Variants in ZFX observed in about 807,000 individuals in gnomAD.
The protein encoded by ZFX is zinc finger X-chromosomal protein.
For synonymous variants in ZFX, 196 were observed against 226.8 expected (o/e 0.86, Z 1.22); for missense variants, 362 against 628.3 (o/e 0.58, Z 4.53).
At chrX:24,170,608 A>ATTT (rs1217226048) in intron 3 of ZFX, among the ~76,000 whole-genome samples, 9 of 85,931 alleles carry the variant, frequency 1.0e-4, no homozygotes, top group African/African-American at 2.2e-4. Flanking sequence ...TTTTTCTTTA[A>ATTT]TTTTTTTTTT....
chrX:24,156,085 C>CG (rs1158359102), intron 3 of ZFX, among the ~76,000 whole-genome samples: 2 of 111,265 alleles, frequency 1.8e-5, no homozygotes, highest in Non-Finnish European at 3.8e-5. Context: ...TAAGTAGAGA[C>CG]GGGGTTTCAC....
At position 24,149,805 on chromosome X, in the gene ZFX, G is replaced by C. The variant is rs1406314689; in HGVS notation, c.-250+11G>C. ...CCGCACGTCCGTCCGGTGAGTCCCG[G>C]GTGCCGCCGCGGCCGCGGGGCCTAG... On this transcript the variant is annotated intron_variant, in intron 1 of 9. Coordinates refer to ENST00000304543, the MANE Select transcript of ZFX (RefSeq NM_003410.4). 9.1e-6 allele frequency: 1 copy of C among 110,036 alleles called. No homozygotes were observed. Among genetic ancestry groups the C allele is most frequent in the African/African-American group, 3.3e-5 (1 of 30,545 alleles). The allele number at this position is 110,036 out of a possible 1,213,427, so 9.1% of individuals were successfully genotyped here.
chrX:24,151,150 T>C (rs773338955), intron 1 of ZFX, among the ~76,000 whole-genome samples: 25 of 112,436 alleles, frequency 2.2e-4, no homozygotes, highest in Non-Finnish European at 4.1e-4. Flanking sequence ...TGTGCAACTT[T>C]CTTGATAAAC....
rs748508501 is a variant in ZFX at position 24,174,655 on chromosome X, A to G, written c.58+1855A>G. Among the ~76,000 whole-genome samples the G allele has an allele frequency of 1.6e-3, 173 of 110,605 alleles. 1 individual carries two copies. Among genetic ancestry groups the G allele is most frequent in the Middle Eastern group, 0.014 (3 of 216 alleles). On this transcript the variant is annotated intron_variant, in intron 4 of 9. Coordinates refer to ENST00000304543, the MANE Select transcript of ZFX (RefSeq NM_003410.4). ...TGATTCGCCTGCCTCGGCCTCCCAA[A>G]GTGCTGGGATTACAGGGGTGAGCCA...
intron 5 of ZFX, among the ~76,000 whole-genome samples, chrX:24,201,708 C>T (rs1028373784): frequency 8.9e-6 from 1 of 111,902 alleles, no homozygotes; most frequent in Non-Finnish European, 1.9e-5. Context: ...CCCAGTTAGC[C>T]GGGTATATCA....
chrX:24,164,685 A>C (rs6628001), intron 3 of ZFX, among the ~76,000 whole-genome samples: 43 of 111,439 alleles, frequency 3.9e-4, no homozygotes, highest in Middle Eastern at 4.6e-3. Context: ...TAATCCCAGC[A>C]CTTTGGGAGG....
intron 5 of ZFX, among the ~76,000 whole-genome samples, chrX:24,191,123 C>G (rs975844500): frequency 2.5e-4 from 28 of 111,633 alleles, no homozygotes; most frequent in African/African-American, 9.1e-4. Flanking sequence ...TTTTTTCCTC[C>G]TGAATGTATA....
chrX:24,211,296 T>C lies in ZFX; in HGVS notation c.2338T>C (p.Tyr780His). The C allele has an allele frequency of 8.3e-7, 1 of 1,211,735 alleles. No homozygotes were observed. Among genetic ancestry groups the C allele is most frequent in the South Asian group, 1.8e-5 (1 of 56,993 alleles). ...GAAAGACTATCCTCACCGGTGTGAG[T>C]ACTGCAAGAAAGGCTTCCGAAGACC... ...HTKDYPHRCEYCKKGFRRPSE... is the reference protein window; with the variant it reads ...HTKDYPHRCEHCKKGFRRPSE... The change falls in exon 10 of 10, where the codon TAC becomes CAC. Residue 780 changes from tyrosine (Y) to histidine (H), a missense_variant. Physicochemically the swap from Tyr to His is moderately conservative, Grantham distance 83 (BLOSUM62 2). Coordinates refer to ENST00000304543, the MANE Select transcript of ZFX (RefSeq NM_003410.4).
At chrX:24,152,108 C>T (rs1171176547) in intron 2 of ZFX, among the ~76,000 whole-genome samples, 4 of 109,236 alleles carry the variant, frequency 3.7e-5, no homozygotes, top group African/African-American at 1.0e-4. Context: ...GGTTATTTGA[C>T]GAAAATGAGA....
chrX:24,207,089 C>G (rs745833008), intron 5 of ZFX: 2 of 285,508 alleles, frequency 7.0e-6, no homozygotes, highest in Non-Finnish European at 1.2e-5. Context: ...AAAAATTAGC[C>G]GGGCGTGGTG....
chrX:24,187,421 G>A (rs1054318434), intron 5 of ZFX, among the ~76,000 whole-genome samples: 1 of 111,347 alleles, frequency 9.0e-6, no homozygotes, highest in African/African-American at 3.3e-5. Flanking sequence ...TGGTAGATGG[G>A]GGAGGCAAAT....
intron 6 of ZFX, 114 bp from the exon 7 acceptor site, chrX:24,207,598 G>A (rs1328294627): frequency 1.1e-5 from 12 of 1,111,134 alleles, no homozygotes; most frequent in South Asian, 2.1e-5. Context: ...TAAGAATTCC[G>A]GTGTAGTAAT....
intron 5 of ZFX, among the ~76,000 whole-genome samples, chrX:24,198,251 A>G (rs1451544507): frequency 9.0e-6 from 1 of 111,301 alleles, no homozygotes; most frequent in South Asian, 3.8e-4. Flanking sequence ...TGCCCAGGCT[A>G]GAGTGCAGTG....
In ZFX at chrX:24,210,781, A is replaced by C; in HGVS notation, c.1823A>C (p.Asp608Ala). ...KHSKEMPFKC[D>A]ICLLTFSDTK... is the part of the protein sequence containing the mutation. ...AGTAAAGAGATGCCATTCAAGTGTG[A>C]CATTTGTCTTCTGACTTTCTCGGAT... is the stretch of plus-strand genomic sequence containing the variant. The change falls in exon 10 of 10, where the codon GAC becomes GCC. Residue 608 changes from aspartate to alanine, a missense_variant. Coordinates refer to ENST00000304543, the MANE Select transcript of ZFX (RefSeq NM_003410.4). 1 of 1,212,063 alleles carries C rather than the reference A, an allele frequency of 8.3e-7. No individual in the cohort carries two copies. The highest frequency in any genetic ancestry group is 1.7e-5 in the African/African-American group (1 of 57,876).
rs759792904 is a variant in ZFX at position 24,215,176 on chromosome X, T to C, written c.*3800T>C. 5 of 112,047 alleles carry C rather than the reference T, an allele frequency of 4.5e-5. No homozygotes were observed. Among genetic ancestry groups the C allele is most frequent in the Admixed American group, 9.5e-5 (1 of 10,521 alleles). 9.2% of individuals were successfully genotyped at this position (112,047 alleles called of 1,213,427 possible). A position where few individuals can be genotyped will look rare whatever the true frequency, so the allele number is the denominator to read the frequency against. On this transcript the variant is annotated 3_prime_UTR_variant, in exon 10 of 10. Coordinates refer to ENST00000304543, the MANE Select transcript of ZFX (RefSeq NM_003410.4). ...TACATAGCATGCTGAAAAACTTTTGTAATGGAACACCCAACAAATGACACC... is the reference window on the plus strand; with the variant it reads ...TACATAGCATGCTGAAAAACTTTTGCAATGGAACACCCAACAAATGACACC...
At chrX:24,176,040 C>CTT (rs760962081) in intron 4 of ZFX, among the ~76,000 whole-genome samples, 10 of 95,832 alleles carry the variant, frequency 1.0e-4, no homozygotes, top group Non-Finnish European at 1.7e-4. Flanking sequence ...TGAACATACT[C>CTT]TTTTTTTTTT....
At chrX:24,185,112 C>T (rs982819311) in intron 5 of ZFX, among the ~76,000 whole-genome samples, 4 of 111,682 alleles carry the variant, frequency 3.6e-5, no homozygotes, top group Non-Finnish European at 5.6e-5. Context: ...CCACCACACC[C>T]GCCTAATTTT....
rs542117273 is a variant in ZFX at position 24,150,356 on chromosome X, G to A, written c.-250+562G>A. 8 of 110,894 alleles carry A rather than the reference G, an allele frequency of 7.2e-5. 1 individual carries two copies. The South Asian group carries it at 2.5e-3, about 35-fold the overall frequency. 9.1% of individuals were successfully genotyped at this position (110,894 alleles called of 1,213,427 possible). Reference sequence around the variant, plus strand: ...GCGGGCGGCGGCGGCAGCGGCGCCGGTGACGGGCCCCGGAGGCCCGGCGCG... The same window carrying A: ...GCGGGCGGCGGCGGCAGCGGCGCCGATGACGGGCCCCGGAGGCCCGGCGCG... On this transcript the variant is annotated intron_variant, in intron 1 of 9. Coordinates refer to ENST00000304543, the MANE Select transcript of ZFX (RefSeq NM_003410.4).
intron 5 of ZFX, among the ~76,000 whole-genome samples, chrX:24,195,226 G>A (rs1055241875): frequency 2.6e-4 from 28 of 109,804 alleles, no homozygotes; most frequent in African/African-American, 9.3e-4. Context: ...ACGGTGTCTC[G>A]TTCTGCACCC....
Sources: allele counts gnomAD v4.1 joint callset (sites outside exome capture counted in the v4.1 genomes callset), GRCh38; gene constraint gnomAD v4.1.1; transcripts MANE v1.5; gene names NCBI Gene and HGNC (gene_info 2026-07-23, HGNC 2026-07-21).